TMEM39A: variants seen among roughly 807,000 people sequenced by gnomAD.
TMEM39A encodes transmembrane protein 39A, also known as suppressor of SQST-1 aggregates in rpl-43 mutants.
A neutral mutation model predicts 51.9 loss-of-function variants in TMEM39A; 19 were observed. The observed-to-expected ratio is 0.37, with a 90% CI of 0.26 to 0.54. The LOEUF (loss-of-function observed/expected upper bound fraction) is 0.54. Ranked by LOEUF, TMEM39A falls within the 20% of genes least tolerant of loss-of-function variation. The pLI is 0.88. For missense variants in TMEM39A, 433 were observed against 590.5 expected (o/e 0.73, Z 2.76); for synonymous variants, 197 against 220.2 (o/e 0.89, Z 0.93).
At chr3:119,444,685 G>C (rs545700990) in intron 5 of TMEM39A, among the ~76,000 whole-genome samples, 3 of 152,262 alleles carry the variant, frequency 2.0e-5, no homozygotes, top group African/African-American at 7.2e-5. Context: ...ATCACCTTGA[G>C]GGCTTGTTAA....
chr3:119,463,609 G>A lies in TMEM39A; in HGVS notation c.-348C>T. On this transcript the variant is annotated 5_prime_UTR_variant, in exon 1 of 9. Transcript: ENST00000319172. The stretch of plus-strand genomic sequence containing the variant: ...ACCCATCCCTAGCCTCCATTACCGC[G>A]GAGCTGAGCAGACGTGGCAGCGCAC... The A allele has an allele frequency of 5.0e-6, 2 of 398,766 alleles. No individual in the cohort carries two copies. The highest frequency in any genetic ancestry group is 3.6e-5 in the East Asian group (1 of 28,086). The allele number at this position is 398,766 out of a possible 1,614,324, so 24.7% of individuals were successfully genotyped here. A position where few individuals can be genotyped will look rare whatever the true frequency, so the allele number is the denominator to read the frequency against.
chr3:119,446,988 C>A, intron 5 of TMEM39A, 30 bp downstream of exon 5: 1 of 1,595,586 alleles, frequency 6.3e-7, no homozygotes, highest in Non-Finnish European at 8.5e-7. Context: ...TAAAGATTTA[C>A]TAATAACATG....
intron 7 of TMEM39A, 33 bp from the exon 8 acceptor site, chr3:119,434,915 T>C (rs1330659141): frequency 7.5e-6 from 12 of 1,605,064 alleles, no homozygotes; most frequent in Non-Finnish European, 1.0e-5. Context: ...GTTAGCATAT[T>C]GGCAATTACA....
intron 3 of TMEM39A, among the ~76,000 whole-genome samples, chr3:119,453,159 T>C (rs146267137): frequency 6.6e-6 from 1 of 152,324 alleles, no homozygotes; most frequent in African/African-American, 2.4e-5. Flanking sequence ...TTAGCAACAA[T>C]ATCCCAGGAA....
intron 6 of TMEM39A, among the ~76,000 whole-genome samples, chr3:119,437,262 G>A (rs2080982109): frequency 6.6e-6 from 1 of 152,160 alleles, no homozygotes; most frequent in Admixed American, 6.6e-5. Context: ...AGCTGCAGAA[G>A]TACTTCTGAA....
intron 7 of TMEM39A, chr3:119,435,497 G>T: frequency 1.0e-6 from 1 of 984,562 alleles, no homozygotes; most frequent in South Asian, 4.7e-5. Flanking sequence ...TGGGGGAAAA[G>T]AAGTTACAGA....
chr3:119,454,122 G>C (rs984391844), intron 3 of TMEM39A, among the ~76,000 whole-genome samples: 2 of 152,222 alleles, frequency 1.3e-5, no homozygotes, highest in African/African-American at 4.8e-5. Flanking sequence ...CTAAAAAGCA[G>C]CAAGAAGGCT....
intron 5 of TMEM39A, 51 bp from the exon 6 acceptor site, chr3:119,438,154 C>A: frequency 2.9e-6 from 4 of 1,399,578 alleles, no homozygotes; most frequent in Non-Finnish European, 3.9e-6. Context: ...TAAAATCACA[C>A]CTTATAACTT....
chr3:119,435,806 A>C, intron 7 of TMEM39A: 1 of 1,249,604 alleles, frequency 8.0e-7, no homozygotes, highest in Non-Finnish European at 1.0e-6. Flanking sequence ...AGTAGCCTGA[A>C]GATGTACAGT....
Position 119,436,820 on chromosome 3 carries a change from A to C in TMEM39A, c.1083T>G (p.His361Gln), listed in dbSNP as rs1382870309. 1 of 1,613,744 alleles carries C rather than the reference A, an allele frequency of 6.2e-7. No individual in the cohort carries two copies. The highest frequency in any genetic ancestry group is 8.5e-7 in the Non-Finnish European group (1 of 1,179,844). Residue 361 changes from histidine to glutamine, a missense_variant, in exon 7 of 9, where the codon CAT becomes CAG. Physicochemically the swap from His to Gln is conservative, Grantham distance 24. Coordinates refer to ENST00000319172, the MANE Select transcript of TMEM39A (RefSeq NM_018266.3). ...GCTGTGGAGCATTGCTGTAGGACCCATGTTCCAACTTCTGCCACTTGCCCA... is the reference window on the plus strand; with the variant it reads ...GCTGTGGAGCATTGCTGTAGGACCCCTGTTCCAACTTCTGCCACTTGCCCA... ...AHLGKWQKLE[H>Q]GSYSNAPQHI... is the part of the protein sequence containing the mutation.
At chr3:119,455,686 A>G (rs1374341742) in intron 3 of TMEM39A, among the ~76,000 whole-genome samples, 3 of 152,236 alleles carry the variant, frequency 2.0e-5, no homozygotes, top group Non-Finnish European at 2.9e-5. Context: ...GATTATGACA[A>G]GAACACTGGC....
chr3:119,440,403 T>C (rs925577186), intron 5 of TMEM39A, among the ~76,000 whole-genome samples: 8 of 152,188 alleles, frequency 5.3e-5, no homozygotes, highest in Non-Finnish European at 1.2e-4. Context: ...AAATTTCCCA[T>C]TGTGAAAATC....
rs1412610936 is a variant in TMEM39A, at chr3:119,458,237, A to T, written c.117T>A (p.Asn39Lys). The change falls in exon 3 of 9, where the codon AAT becomes AAA. Residue 39 changes from asparagine (N) to lysine (K), a missense_variant. Physicochemically the swap from Asn to Lys is moderately conservative, Grantham distance 94. Coordinates refer to ENST00000319172, the MANE Select transcript of TMEM39A (RefSeq NM_018266.3). The part of the protein sequence containing the change: ...CGNGTGLRNR[N>K]GSAIGLPVPP... ...GGACTGGAAGGCCAATAGCACTACC[A>T]TTCCTGAAAGAGAAAACTATGGTTA... is the stretch of plus-strand genomic sequence containing the variant. The T allele has an allele frequency of 6.2e-7, 1 of 1,613,770 alleles. No homozygotes were observed. Among genetic ancestry groups the T allele is most frequent in the Non-Finnish European group, 8.5e-7 (1 of 1,179,872 alleles).
At chr3:119,437,665 C>CA in intron 6 of TMEM39A, 90 bp downstream of exon 6, 1 of 1,095,958 alleles carries the variant, frequency 9.1e-7, no homozygotes, top group Non-Finnish European at 1.3e-6. Context: ...AAAGGGGAGA[C>CA]AGAGAAAAGG....
At chr3:119,461,258 T>G (rs1479444139) in intron 2 of TMEM39A, among the ~76,000 whole-genome samples, 1 of 151,982 alleles carries the variant, frequency 6.6e-6, no homozygotes, top group Non-Finnish European at 1.5e-5. Context: ...CAGAACTAAT[T>G]TTAAAGATTG....
intron 2 of TMEM39A, 152 bp downstream of exon 2, chr3:119,461,810 G>C: frequency 1.7e-6 from 1 of 573,264 alleles, no homozygotes; most frequent in Non-Finnish European, 2.9e-6. Flanking sequence ...AAGTATTTTG[G>C]AATTCTGAAT....
intron 6 of TMEM39A, 104 bp from the exon 7 acceptor site, chr3:119,437,082 C>T: frequency 9.8e-7 from 1 of 1,019,388 alleles, no homozygotes. Context: ...CACTGAGTCA[C>T]ACATGCACTG....
rs190426914 is a variant in TMEM39A at position 119,433,975 on chromosome 3, G to A, written c.1233+787C>T. 3.9e-5 allele frequency among the ~76,000 whole-genome samples: 6 copies of A among 152,212 alleles called. No homozygotes were observed. The East Asian group carries it at 1.2e-3, about 29-fold the overall frequency. On this transcript the variant is annotated intron_variant, in intron 8 of 8. Coordinates refer to ENST00000319172, the MANE Select transcript of TMEM39A (RefSeq NM_018266.3). ...CTCACAGGAACTGAGAAGGACAGAG[G>A]GAGAAAGAGATGCAAGTATCTTAAA...
intron 7 of TMEM39A, 45 bp from the exon 8 acceptor site, chr3:119,434,927 A>G: frequency 1.9e-6 from 3 of 1,594,386 alleles, no homozygotes; most frequent in African/African-American, 1.3e-5. Context: ...GCAATTACAG[A>G]TAAGATAGCA....
Sources: gnomAD v4.1 joint callset for allele counts (sites outside exome capture counted in the v4.1 genomes callset) on GRCh38, gnomAD v4.1.1 for gene constraint, MANE v1.5 for transcripts, NCBI Gene and HGNC (gene_info 2026-07-23, HGNC 2026-07-21) for gene names.